The following UBE2H variants were observed in gnomAD, a reference collection of about 807,000 sequenced individuals.
The protein encoded by UBE2H is ubiquitin conjugating enzyme E2 H.
UBE2H carries 3 observed loss-of-function variants against 29.0 expected under a neutral mutation model. The observed-to-expected ratio is 0.10, with a 90% CI of 0.05 to 0.27. UBE2H has a LOEUF of 0.27. Among genes scored for constraint, UBE2H ranks in the 10% least tolerant of loss-of-function variants. UBE2H has a pLI of 1.00. For synonymous variants in UBE2H, 69 were observed against 82.9 expected (o/e 0.83, Z 0.91); for missense variants, 68 against 228.2 (o/e 0.30, Z 4.52).
chr7:129,844,670 G>A (rs1805482207), intron 5 of UBE2H, among the ~76,000 whole-genome samples: 1 of 152,172 alleles, frequency 6.6e-6, no homozygotes. Flanking sequence ...CAAGATTCCT[G>A]AGTATATGGT....
At chr7:129,926,938 C>A (rs1807282278) in intron 1 of UBE2H, among the ~76,000 whole-genome samples, 1 of 152,198 alleles carries the variant, frequency 6.6e-6, no homozygotes. Context: ...CAACCTGATT[C>A]TTTAATCAAG....
intron 3 of UBE2H, among the ~76,000 whole-genome samples, chr7:129,865,982 T>C (rs1563027010): frequency 3.9e-5 from 6 of 152,084 alleles, no homozygotes. Context: ...GTGACAGACA[T>C]TGGCCAGCTA....
intron 1 of UBE2H, among the ~76,000 whole-genome samples, chr7:129,937,307 C>A (rs1436691753): frequency 6.6e-6 from 1 of 151,556 alleles, no homozygotes; most frequent in Non-Finnish European, 1.5e-5. Flanking sequence ...TCGGCCTGGG[C>A]AACAGAGTGA....
intron 1 of UBE2H, among the ~76,000 whole-genome samples, chr7:129,889,883 G>A (rs746572119): frequency 5.7e-4 from 87 of 152,056 alleles, no homozygotes; most frequent in African/African-American, 1.4e-3. Flanking sequence ...CTAGCTAATC[G>A]GAAGGCTGAC....
chr7:129,848,961 AATAG>A (rs1017735122), intron 5 of UBE2H, among the ~76,000 whole-genome samples: 9 of 151,584 alleles, frequency 5.9e-5, no homozygotes, highest in African/African-American at 2.2e-4. Context: ...CACTATAATT[AATAG>A]ATCTTTACCT....
At chr7:129,879,758 C>T (rs1806217714) in intron 2 of UBE2H, 116 bp from the exon 3 acceptor site, 2 of 922,080 alleles carry the variant, frequency 2.2e-6, no homozygotes, top group East Asian at 2.5e-5. Flanking sequence ...TTAATTCCTT[C>T]AAGAGTCAGG....
At chr7:129,855,578 G>A (rs1419866174) in intron 5 of UBE2H, among the ~76,000 whole-genome samples, 3 of 152,128 alleles carry the variant, frequency 2.0e-5, no homozygotes, top group Admixed American at 6.5e-5. Flanking sequence ...ACAAATAGTC[G>A]AACCCTTATT....
intron 5 of UBE2H, among the ~76,000 whole-genome samples, chr7:129,840,301 C>T (rs1805405630): frequency 6.6e-6 from 1 of 152,112 alleles, no homozygotes; most frequent in African/African-American, 2.4e-5. Flanking sequence ...ACCTCCCAGC[C>T]TCAGTCTTCC....
intron 1 of UBE2H, among the ~76,000 whole-genome samples, chr7:129,924,988 T>A (rs967483166): frequency 1.2e-4 from 19 of 152,034 alleles, no homozygotes; most frequent in African/African-American, 4.6e-4. Flanking sequence ...TTTCCTTTAA[T>A]GCTCAAGGTA....
At chr7:129,863,823 T>TTTTTTTTTTTA (rs1805846300) in intron 3 of UBE2H, among the ~76,000 whole-genome samples, 2 of 151,464 alleles carry the variant, frequency 1.3e-5, no homozygotes, top group Non-Finnish European at 1.5e-5. Context: ...TTTTTTTTTT[T>TTTTTTTTTTTA]GAGATAAGGT....
chr7:129,863,985 G>A (rs1304636659), intron 3 of UBE2H, among the ~76,000 whole-genome samples: 1 of 151,946 alleles, frequency 6.6e-6, no homozygotes, highest in Non-Finnish European at 1.5e-5. Flanking sequence ...TAGAGATAGG[G>A]TTTCACCATG....
At chr7:129,858,343 G>T (rs917188185) in intron 4 of UBE2H, among the ~76,000 whole-genome samples, 1 of 152,154 alleles carries the variant, frequency 6.6e-6, no homozygotes, top group Non-Finnish European at 1.5e-5. Context: ...ATGTTTGTGA[G>T]AGACAGTAAA....
intron 1 of UBE2H, among the ~76,000 whole-genome samples, chr7:129,891,810 CAA>C (rs60595166): frequency 0.068 from 9,878 of 145,238 alleles, 482 homozygotes; most frequent in East Asian, 0.24. Flanking sequence ...AAAACAAAAA[CAA>C]AAAAAAAAAA....
intron 3 of UBE2H, 118 bp from the exon 4 acceptor site, chr7:129,859,059 T>G (rs1326885200): frequency 1.3e-5 from 10 of 772,942 alleles, no homozygotes; most frequent in Non-Finnish European, 2.1e-5. Context: ...ATCACTACTT[T>G]CAACCTTAGA....
chr7:129,944,257 G>C (rs548541322), intron 1 of UBE2H, among the ~76,000 whole-genome samples: 1 of 152,078 alleles, frequency 6.6e-6, no homozygotes, highest in African/African-American at 2.4e-5. Context: ...TCAGGAGGCC[G>C]AGGCAGGAGA....
intron 3 of UBE2H, among the ~76,000 whole-genome samples, chr7:129,875,071 A>T (rs764704136): frequency 1.3e-5 from 2 of 152,188 alleles, no homozygotes; most frequent in Non-Finnish European, 2.9e-5. Context: ...CAAAGTGTAG[A>T]CTCAGACAAT....
chr7:129,875,269 T>C (rs1004771652), intron 3 of UBE2H, among the ~76,000 whole-genome samples: 1 of 152,130 alleles, frequency 6.6e-6, no homozygotes, highest in Non-Finnish European at 1.5e-5. Flanking sequence ...TAGGAAAAAA[T>C]TAGAGTTGTA....
chr7:129,922,328 C>G (rs1239615707), intron 1 of UBE2H, among the ~76,000 whole-genome samples: 1 of 151,760 alleles, frequency 6.6e-6, no homozygotes, highest in Non-Finnish European at 1.5e-5. Context: ...CTCTGGCACC[C>G]AGGCTGGAAT....
chr7:129,859,902 A>T lies in UBE2H; in HGVS notation c.206-961T>A, dbSNP rs534744498. ...CCCACAGTCTCTCTCTCTCATATTC[A>T]TTCAGAACATATTTGGTCAGCACCT... On this transcript the variant is annotated intron_variant, in intron 3 of 6. Transcript: ENST00000355621. Among the ~76,000 whole-genome samples the T allele has an allele frequency of 1.3e-3, 197 of 151,958 alleles. 1 individual carries two copies. The highest frequency in any genetic ancestry group is 2.0e-3 in the Non-Finnish European group (136 of 67,976).
Sources: gnomAD v4.1 joint callset for allele counts (sites outside exome capture counted in the v4.1 genomes callset) on GRCh38, gnomAD v4.1.1 for gene constraint, MANE v1.5 for transcripts, NCBI Gene and HGNC (gene_info 2026-07-23, HGNC 2026-07-21) for gene names.